The following ODAD4 variants were observed in gnomAD, a reference collection of about 807,000 sequenced individuals.
The protein encoded by ODAD4 is outer dynein arm docking complex subunit 4.
Under a neutral mutation model 51.8 loss-of-function variants are expected in ODAD4, and 49 were observed. That is an observed-to-expected ratio of 0.95 (90% CI 0.75 to 1.20). The LOEUF is 1.20. ODAD4 is among the 50% of genes most tolerant of loss of function. The pLI is 0.00. For missense variants in ODAD4, 590 were observed against 586.5 expected (o/e 1.01, Z -0.06); for synonymous variants, 235 against 221.3 (o/e 1.06, Z -0.55).
intron 7 of ODAD4, among the ~76,000 whole-genome samples, chr17:41,941,107 G>GCCATGTCTTGTCCTGT (rs1351136467): frequency 1.8e-4 from 28 of 152,168 alleles, no homozygotes; most frequent in Admixed American, 1.8e-3. Context: ...CCCAGCAATG[G>GCCATGTCTTGTCCTGT]CCATGTCTTG....
At chr17:41,937,622 A>C (rs2050446352) in intron 5 of ODAD4, among the ~76,000 whole-genome samples, 1 of 152,124 alleles carries the variant, frequency 6.6e-6, no homozygotes. Context: ...AGGCGCCCAC[A>C]ACCACATCCG....
chr17:41,942,566 C>G (rs115913523), intron 7 of ODAD4, among the ~76,000 whole-genome samples: 2,266 of 152,322 alleles, frequency 0.015, 60 homozygotes, highest in African/African-American at 0.052. Context: ...CGGGCTGTGA[C>G]AGCAGCAGGT....
intron 7 of ODAD4, among the ~76,000 whole-genome samples, chr17:41,940,592 C>T (rs1489352136): frequency 1.3e-5 from 2 of 152,178 alleles, no homozygotes; most frequent in Admixed American, 6.5e-5. Context: ...GACCTGTCTT[C>T]GATCCCTGTC....
intron 10 of ODAD4, among the ~76,000 whole-genome samples, chr17:41,958,851 A>G (rs1398011215): frequency 1.3e-5 from 2 of 151,234 alleles, no homozygotes; most frequent in Admixed American, 6.6e-5. Flanking sequence ...TGTCTCTACT[A>G]AAAATACAAA....
chr17:41,944,428 ACACACACACACACACACC>A (rs1415692342), intron 7 of ODAD4, among the ~76,000 whole-genome samples: 154 of 13,920 alleles, frequency 0.011, 5 homozygotes, highest in African/African-American at 0.034. Context: ...ACACACACAC[ACACACACACACACACACC>A]CCCCCGCATA....
intron 7 of ODAD4, among the ~76,000 whole-genome samples, chr17:41,941,126 A>G (rs926370264): frequency 1.3e-5 from 2 of 152,174 alleles, no homozygotes; most frequent in African/African-American, 4.8e-5. Flanking sequence ...TGTCCTGTCC[A>G]TACTTTCTCT....
rs782247851 is a variant in ODAD4 at position 41,938,713 on chromosome 17, G to A, written c.782G>A (p.Arg261Gln). The change falls in exon 6 of 12, where the codon CGG (arginine) becomes CAG (glutamine). Residue 261 changes from arginine to glutamine, a missense_variant. Coordinates refer to ENST00000377540, the MANE Select transcript of ODAD4 (RefSeq NM_031421.5). The stretch of plus-strand genomic sequence containing the variant: ...AAGCTGATGCAAGAGAAATGGCTGC[G>A]GGACCACAAACGCCGTCCCTCACAG... Reference protein sequence around the residue: ...DRKLMQEKWLRDHKRRPSQTA... With the variant: ...DRKLMQEKWLQDHKRRPSQTA... The A allele has an allele frequency of 2.5e-5, 41 of 1,613,740 alleles. No individual in the cohort carries two copies. Among genetic ancestry groups the A allele is most frequent in the East Asian group, 1.1e-4 (5 of 44,888 alleles).
Position 41,935,368 on chromosome 17 carries a change from G to A in ODAD4, c.246+20G>A. 1 of 1,611,474 alleles carries A rather than the reference G, an allele frequency of 6.2e-7. No individual in the cohort carries two copies. Among genetic ancestry groups the A allele is most frequent in the Middle Eastern group, 1.7e-4 (1 of 5,960 alleles). Reference sequence around the variant, plus strand: ...TGTAAGGTGACTGCATGGGCGGGAGGACTGGATCCTGCCATTGCCTGTAGC... The same window carrying A: ...TGTAAGGTGACTGCATGGGCGGGAGAACTGGATCCTGCCATTGCCTGTAGC... On this transcript the variant is annotated intron_variant, in intron 2 of 11. Coordinates refer to ENST00000377540, the MANE Select transcript of ODAD4 (RefSeq NM_031421.5).
intron 1 of ODAD4, among the ~76,000 whole-genome samples, chr17:41,934,676 C>T (rs1168348184): frequency 1.3e-5 from 2 of 152,016 alleles, no homozygotes; most frequent in Non-Finnish European, 2.9e-5. Flanking sequence ...TCATCTTAAT[C>T]CCCGGATATA....
Position 41,949,747 on chromosome 17 carries a change from A to G in ODAD4, c.1342+398A>G, listed in dbSNP as rs1215915055. Among the ~76,000 whole-genome samples the G allele has an allele frequency of 3.9e-5, 6 of 152,204 alleles. 1 individual carries two copies. Among genetic ancestry groups the G allele is most frequent in the South Asian group, 2.1e-4 (1 of 4,828 alleles). On this transcript the variant is annotated intron_variant, in intron 9 of 11. Coordinates refer to ENST00000377540, the MANE Select transcript of ODAD4 (RefSeq NM_031421.5). ...GAGTGCAGTGGTGCGATCTCGGCTC[A>G]TTGCAACCTCTGCCTCCCAGGTTCA...
At position 41,965,245 on chromosome 17, in the gene ODAD4, G is replaced by A; in HGVS notation, c.1781G>A (p.Gly594Glu). The change falls in exon 12 of 12, where the codon GGA (glycine) becomes GAA (glutamate). Residue 594 changes from glycine to glutamate, a missense_variant. Physicochemically the swap from Gly to Glu is moderately conservative, Grantham distance 98. This residue lies in a region of ODAD4 where 226 missense variants were observed against 162.7 expected (regional missense o/e 1.39). Transcript: ENST00000377540. ...GLSGELGTRS[G>E]ETGRKLLEAG... ...TCAGGAGAATTAGGCACAAGATCAG[G>A]AGAAACAGGCAGGAAGCTACTAGAA... 1.3e-6 allele frequency: 1 copy of A among 777,308 alleles called. No individual in the cohort carries two copies. Among genetic ancestry groups the A allele is most frequent in the Non-Finnish European group, 2.4e-6 (1 of 416,368 alleles). 48.2% of individuals were successfully genotyped at this position (777,308 alleles called of 1,614,324 possible).
intron 7 of ODAD4, among the ~76,000 whole-genome samples, chr17:41,942,693 G>C (rs1555638847): frequency 6.6e-6 from 1 of 152,106 alleles, no homozygotes; most frequent in East Asian, 1.9e-4. Context: ...ACCTTGGGCA[G>C]GGCAGAAAGA....
intron 7 of ODAD4, among the ~76,000 whole-genome samples, chr17:41,944,444 A>ACACACACACACACC (rs1191101800): frequency 4.9e-3 from 96 of 19,514 alleles, no homozygotes; most frequent in Non-Finnish European, 6.1e-3. Flanking sequence ...ACACACACAC[A>ACACACACACACACC]CCCCCCCGCA....
At chr17:41,943,423 G>A (rs544526518) in intron 7 of ODAD4, among the ~76,000 whole-genome samples, 26 of 152,222 alleles carry the variant, frequency 1.7e-4, no homozygotes, top group African/African-American at 3.1e-4. Context: ...GGGTGCAGGC[G>A]GGCTGAGTCC....
In ODAD4 at chr17:41,938,675, G is replaced by C. The variant is rs782642882; in HGVS notation, c.744G>C (p.Arg248Ser). Residue 248 changes from arginine (R) to serine (S), a missense_variant, in exon 6 of 12, where the codon AGG becomes AGC. By Grantham distance (110) the Arg-to-Ser change is moderately radical. This residue lies in a region of ODAD4 where 360 missense variants were observed against 407.5 expected (regional missense o/e 0.88). Coordinates refer to ENST00000377540, the MANE Select transcript of ODAD4 (RefSeq NM_031421.5). The part of the protein sequence containing the change: ...FWRQQKPIYA[R>S]ERDRKLMQEK... ...GGCAGCAGAAGCCGATCTACGCCAG[G>C]GAGCGGGACCGGAAGCTGATGCAAG... 2 of 1,613,964 alleles carry C rather than the reference G, an allele frequency of 1.2e-6. No individual in the cohort carries two copies. Among genetic ancestry groups the C allele is most frequent in the Admixed American group, 3.3e-5 (2 of 60,016 alleles).
chr17:41,936,405 A>C (rs782257287), intron 3 of ODAD4, 68 bp from the exon 4 acceptor site: 3 of 1,183,968 alleles, frequency 2.5e-6, no homozygotes, highest in Non-Finnish European at 3.7e-6. Context: ...CCATTTCTAC[A>C]TAAAAATATG....
intron 7 of ODAD4, among the ~76,000 whole-genome samples, chr17:41,944,754 C>T (rs2050563443): frequency 6.6e-6 from 1 of 151,530 alleles, no homozygotes; most frequent in Admixed American, 6.6e-5. Flanking sequence ...ATGGCACTGC[C>T]CTCCAGCCTG....
chr17:41,947,895 G>C (rs1255752239), intron 8 of ODAD4, among the ~76,000 whole-genome samples: 2 of 152,154 alleles, frequency 1.3e-5, no homozygotes, highest in African/African-American at 4.8e-5. Context: ...TGAGGCGGGT[G>C]ATCGCCTGAG....
intron 9 of ODAD4, among the ~76,000 whole-genome samples, chr17:41,950,677 A>T (rs2050640647): frequency 6.7e-6 from 1 of 149,930 alleles, no homozygotes; most frequent in Non-Finnish European, 1.5e-5. Flanking sequence ...CGCCTGGCCG[A>T]GGAAACCTTT....
Sources: allele counts gnomAD v4.1 joint callset (sites outside exome capture counted in the v4.1 genomes callset), GRCh38; gene constraint gnomAD v4.1.1; regional missense constraint gnomAD v4.1.1; transcripts MANE v1.5; gene names NCBI Gene and HGNC (gene_info 2026-07-23, HGNC 2026-07-21).